LY6G5C: variants seen among roughly 807,000 people sequenced by gnomAD.
The protein encoded by LY6G5C is lymphocyte antigen 6 complex locus protein G5c.
Under a neutral mutation model 10.5 loss-of-function variants are expected in LY6G5C, and 6 were observed. The observed-to-expected ratio is 0.57, with a 90% confidence interval of 0.31 to 1.12. The LOEUF is 1.12. Ranked by LOEUF, LY6G5C falls within the 50% of genes most tolerant of loss-of-function variation. The probability of loss-of-function intolerance (pLI) is 0.05; values close to 1 mark genes in which losing one functional copy is unlikely to be tolerated. For missense variants in LY6G5C, 160 were observed against 185.5 expected (o/e 0.86, Z 0.80); for synonymous variants, 69 against 67.8 (o/e 1.02, Z -0.09).
chr6:31,677,751 C>T (rs1294580747), intron 2 of LY6G5C, among the ~76,000 whole-genome samples: 1 of 152,042 alleles, frequency 6.6e-6, no homozygotes, highest in Non-Finnish European at 1.5e-5. Flanking sequence ...ATGCTACTAT[C>T]TTGGGTTGGG....
At chr6:31,677,237 G>A in intron 2 of LY6G5C, 117 bp from the exon 3 acceptor site, 1 of 1,044,528 alleles carries the variant, frequency 9.6e-7, no homozygotes, top group South Asian at 1.6e-5. Context: ...CCTGTAGTTA[G>A]GCATGGGTGG....
chr6:31,678,103 T>G (rs1355125461), intron 2 of LY6G5C, among the ~76,000 whole-genome samples: 1 of 152,202 alleles, frequency 6.6e-6, no homozygotes, highest in Non-Finnish European at 1.5e-5. Flanking sequence ...TGCACCTGTT[T>G]CCTCATCTGT....
intron 2 of LY6G5C, among the ~76,000 whole-genome samples, 196 bp from the exon 3 acceptor site, chr6:31,677,316 A>G (rs1377963244): frequency 2.6e-5 from 4 of 152,222 alleles, no homozygotes; most frequent in Non-Finnish European, 5.9e-5. Context: ...GAAAAGAGCC[A>G]TATGAAATGT....
chr6:31,679,487 C>T lies in LY6G5C; in HGVS notation c.122-219G>A, dbSNP rs1049401738. The T allele has an allele frequency of 1.7e-6, 1 of 593,978 alleles. No individual in the cohort carries two copies. The highest frequency in any genetic ancestry group is 1.9e-5 in the African/African-American group (1 of 53,918). 36.8% of individuals were successfully genotyped at this position (593,978 alleles called of 1,614,324 possible). A position where few individuals can be genotyped will look rare whatever the true frequency, so the allele number is the denominator to read the frequency against. On this transcript the variant is annotated intron_variant, in intron 1 of 2. Coordinates refer to ENST00000383237, the Ensembl canonical transcript of LY6G5C. The surrounding 1 kb of genome is among the most constrained non-coding windows in gnomAD (Gnocchi z 4.4). ...ACCACATGTTAACAAATCCCCAGAC[C>T]CAGCAGAGCACTTGGTGTTAGGCAG...
rs1802737838 is a variant in LY6G5C, at chr6:31,679,079, A to G, written c.289+22T>C. 18 of 1,612,520 alleles carry G rather than the reference A, an allele frequency of 1.1e-5. No individual in the cohort carries two copies. Among genetic ancestry groups the G allele is most frequent in the Non-Finnish European group, 1.5e-5 (18 of 1,179,642 alleles). ...TTCCGTTTGGGAGAGTGCTGGGCCC[A>G]TGACAGGAGAAGGCCACTTACTGTT... On this transcript the variant is annotated intron_variant, in intron 2 of 2. Coordinates refer to ENST00000383237, the Ensembl canonical transcript of LY6G5C. The surrounding 1 kb of genome is among the most constrained non-coding windows in gnomAD (Gnocchi z 4.4).
chr6:31,678,188 T>C (rs1043237540), intron 2 of LY6G5C, among the ~76,000 whole-genome samples: 1 of 152,178 alleles, frequency 6.6e-6, no homozygotes, highest in Non-Finnish European at 1.5e-5. Flanking sequence ...ATATTATGTG[T>C]TACGTTTTTG....
At chr6:31,680,500 G>A (rs762291206), upstream of LY6G5C, 13 of 1,051,906 alleles carry the variant, frequency 1.2e-5, no homozygotes, top group South Asian at 3.4e-5. The surrounding 1 kb of genome is among the most constrained non-coding windows in gnomAD (Gnocchi z 4.5). Context: ...CAGAATGTTC[G>A]CACCCACAGC....
intron 2 of LY6G5C, among the ~76,000 whole-genome samples, chr6:31,677,692 G>A (rs1028244534): frequency 3.9e-5 from 6 of 152,076 alleles, no homozygotes; most frequent in Admixed American, 6.6e-5. Flanking sequence ...AACTGATATC[G>A]GAACATTCAG....
At position 31,679,284 on chromosome 6, in the gene LY6G5C, G is replaced by A. The variant is rs1802754764; in HGVS notation, c.122-16C>T. ...ACAAACTTACCTAGAACACAGAGAA[G>A]TGCTGACCCCACTCACACCCCATTC... On this transcript the variant is annotated splice_polypyrimidine_tract_variant and intron_variant, in intron 1 of 2. Coordinates refer to ENST00000383237, the Ensembl canonical transcript of LY6G5C. The surrounding 1 kb of genome is among the most constrained non-coding windows in gnomAD (Gnocchi z 4.4). 3 of 1,612,936 alleles carry A rather than the reference G, an allele frequency of 1.9e-6. No homozygotes were observed. The highest frequency in any genetic ancestry group is 2.5e-6 in the Non-Finnish European group (3 of 1,179,960).
Position 31,680,070 on chromosome 6 carries a change from T to C in LY6G5C, c.121+183A>G. 2 of 596,936 alleles carry C rather than the reference T, an allele frequency of 3.4e-6. No homozygotes were observed. The highest frequency in any genetic ancestry group is 5.9e-6 in the Non-Finnish European group (2 of 340,646). The allele number at this position is 596,936 out of a possible 1,614,324, so 37.0% of individuals were successfully genotyped here. On this transcript the variant is annotated intron_variant, in intron 1 of 2. Transcript: ENST00000383237. The surrounding 1 kb of genome is among the most constrained non-coding windows in gnomAD (Gnocchi z 4.5). ...TCAAAAATAATAATAATAATAAATTTTTAAAAATCTTCAGATTGCACATCA... is the reference window on the plus strand; with the variant it reads ...TCAAAAATAATAATAATAATAAATTCTTAAAAATCTTCAGATTGCACATCA...
In LY6G5C at chr6:31,679,142, G is replaced by A. The variant is rs896344115; in HGVS notation, c.248C>T (p.Thr83Ile). Residue 83 changes from threonine to isoleucine, a missense_variant, in exon 2 of 3, where the codon ACC becomes ATC. Thr to Ile is a moderately conservative substitution (Grantham distance 89). Transcript: ENST00000383237. This position sits in a 1 kb window ranked among gnomAD's most constrained non-coding sequence, Gnocchi z 4.4. ...AGTGATGCAGCTGCTGCCAGCTGGGGTGAGGCAGATGTCAGATCCCAGAAG... is the reference window on the plus strand; with the variant it reads ...AGTGATGCAGCTGCTGCCAGCTGGGATGAGGCAGATGTCAGATCCCAGAAG... 1.1e-5 allele frequency: 18 copies of A among 1,612,922 alleles called. No individual in the cohort carries two copies. Among genetic ancestry groups the A allele is most frequent in the African/African-American group, 2.7e-5 (2 of 74,872 alleles).
At chr6:31,677,018 G>A (rs1802615249) in exon 3 of LY6G5C, 2 of 1,613,014 alleles carry the variant, frequency 1.2e-6, no homozygotes, top group African/African-American at 1.3e-5. Flanking sequence ...GCAGTATTGA[G>A]AGAATATCCA....
upstream of LY6G5C, among the ~76,000 whole-genome samples, chr6:31,680,812 C>T (rs1802847411): frequency 6.6e-6 from 1 of 152,146 alleles, no homozygotes; most frequent in Non-Finnish European, 1.5e-5. The surrounding 1 kb of genome is among the most constrained non-coding windows in gnomAD (Gnocchi z 4.5). Flanking sequence ...AAAAGATTGC[C>T]ATGGCTGCAC....
chr6:31,680,767 C>T (rs1802844657), upstream of LY6G5C, among the ~76,000 whole-genome samples: 1 of 152,168 alleles, frequency 6.6e-6, no homozygotes, highest in Non-Finnish European at 1.5e-5. The surrounding 1 kb of genome is among the most constrained non-coding windows in gnomAD (Gnocchi z 4.5). Context: ...AGAGGGATTT[C>T]GGCAGAGGAG....
At position 31,679,350 on chromosome 6, in the gene LY6G5C, C is replaced by T. The variant is rs1479418221; in HGVS notation, c.122-82G>A. 1.4e-6 allele frequency: 2 copies of T among 1,436,744 alleles called. No individual in the cohort carries two copies. Among genetic ancestry groups the T allele is most frequent in the Admixed American group, 1.7e-5 (1 of 58,920 alleles). 89.0% of individuals were successfully genotyped at this position (1,436,744 alleles called of 1,614,324 possible). A position where few individuals can be genotyped will look rare whatever the true frequency, so the allele number is the denominator to read the frequency against. ...CACTGCCTGATTCCAGGCCACTCAG[C>T]CCCACTCCTCCCTCCCTTCCTGTCT... is the stretch of plus-strand genomic sequence containing the variant. On this transcript the variant is annotated intron_variant, in intron 1 of 2. Coordinates refer to ENST00000383237, the Ensembl canonical transcript of LY6G5C. This position sits in a 1 kb window ranked among gnomAD's most constrained non-coding sequence, Gnocchi z 4.4.
chr6:31,678,989 T>C (rs9267534), intron 2 of LY6G5C, 112 bp downstream of exon 2: 87,464 of 1,178,560 alleles, frequency 0.074, 4,187 homozygotes, highest in African/African-American at 0.16. Flanking sequence ...AAGACAGGAT[T>C]GGAGCAATGT....
upstream of LY6G5C, among the ~76,000 whole-genome samples, chr6:31,680,643 C>T (rs1802838113): frequency 6.6e-6 from 1 of 152,234 alleles, no homozygotes; most frequent in Admixed American, 6.5e-5. The surrounding 1 kb of genome is among the most constrained non-coding windows in gnomAD (Gnocchi z 4.5). Context: ...TACAACCCTG[C>T]ACAAAGTCTC....
rs559699556 is a variant in LY6G5C, at chr6:31,679,976, G to A, written c.121+277C>T. 6.9e-5 allele frequency: 21 copies of A among 304,336 alleles called. No individual in the cohort carries two copies. In the Admixed American group the frequency reaches 8.6e-4, roughly 12 times the overall value. The allele number at this position is 304,336 out of a possible 1,614,324, so 18.9% of individuals were successfully genotyped here. A position where few individuals can be genotyped will look rare whatever the true frequency, so the allele number is the denominator to read the frequency against. ...GCATGAGAATCGCTTGAACCCGGGA[G>A]GTGGAGGTTGCAGTGAGCCGAGATC... is the stretch of plus-strand genomic sequence containing the variant. On this transcript the variant is annotated intron_variant, in intron 1 of 2. Transcript: ENST00000383237. This position sits in a 1 kb window ranked among gnomAD's most constrained non-coding sequence, Gnocchi z 4.4.
At position 31,680,279 on chromosome 6, in the gene LY6G5C, A is replaced by G. The variant is rs1337906706; in HGVS notation, c.95T>C (p.Val32Ala). The change falls in exon 1 of 3, where the codon GTG becomes GCG. Residue 32 changes from valine to alanine, a missense_variant. By Grantham distance (64) the Val-to-Ala change is moderately conservative. Transcript: ENST00000383237. The surrounding 1 kb of genome is among the most constrained non-coding windows in gnomAD (Gnocchi z 4.5). Reference sequence around the variant, plus strand: ...AAACACCAAGCTCATCATGACCAGCACTATTAAGAGGACCGTGTAGAGGGC... The same window carrying G: ...AAACACCAAGCTCATCATGACCAGCGCTATTAAGAGGACCGTGTAGAGGGC... The G allele has an allele frequency of 6.2e-7, 1 of 1,612,660 alleles. No homozygotes were observed. Among genetic ancestry groups the G allele is most frequent in the Admixed American group, 1.7e-5 (1 of 59,972 alleles).
Sources: gnomAD v4.1 joint callset for allele counts (sites outside exome capture counted in the v4.1 genomes callset) on GRCh38, gnomAD v4.1.1 for gene constraint, Gnocchi (gnomAD v3.1) non-coding constraint, MANE v1.5 for transcripts, NCBI Gene and HGNC (gene_info 2026-07-23, HGNC 2026-07-21) for gene names.